TENM2: variants seen among roughly 807,000 people sequenced by gnomAD.
TENM2 encodes the protein teneurin transmembrane protein 2, also known as teneurin-2.
TENM2 carries 52 observed loss-of-function variants against 245.2 expected under a neutral mutation model. That is an observed-to-expected ratio of 0.21 (90% CI 0.17 to 0.27). TENM2 has a LOEUF of 0.27. Among genes scored for constraint, TENM2 ranks in the 10% least tolerant of loss-of-function variants. TENM2 has a pLI of 1.00. For synonymous variants in TENM2, 1,363 were observed against 1,438.9 expected (o/e 0.95, Z 1.19); for missense variants, 3,046 against 3,666.8 (o/e 0.83, Z 4.37).
In TENM2 at chr5:167,509,965, A is replaced by T. The variant is rs145045826; in HGVS notation, c.502+134492A>T. The stretch of plus-strand genomic sequence containing the variant: ...TAAACCTAAACTACAAGTGAGGATA[A>T]CTAAAGAATGATATGTAGCTATCAT... On this transcript the variant is annotated intron_variant, in intron 2 of 28. Transcript: ENST00000518659. Among the ~76,000 whole-genome samples the T allele has an allele frequency of 6.2e-3, 947 of 152,312 alleles. 14 individuals carry two copies. Among genetic ancestry groups the T allele is most frequent in the African/African-American group, 0.022 (906 of 41,558 alleles).
chr5:167,496,295 C>T (rs1474679148), intron 2 of TENM2, among the ~76,000 whole-genome samples: 1 of 151,966 alleles, frequency 6.6e-6, no homozygotes, highest in Non-Finnish European at 1.5e-5. Context: ...AGAAGATTGC[C>T]CTGTCTCTTT....
intron 2 of TENM2, among the ~76,000 whole-genome samples, chr5:167,824,419 G>C (rs528674101): frequency 2.0e-5 from 3 of 152,336 alleles, no homozygotes; most frequent in Admixed American, 2.0e-4. Flanking sequence ...GCAGGGGAGA[G>C]AGCTGGCAAC....
intron 12 of TENM2, among the ~76,000 whole-genome samples, chr5:168,159,690 G>A (rs1757568051): frequency 6.6e-6 from 1 of 152,168 alleles, no homozygotes; most frequent in Non-Finnish European, 1.5e-5. Flanking sequence ...GCAAAGTCCT[G>A]TCCGTTAATT....
chr5:167,916,319 G>T (rs1776933479), intron 3 of TENM2, among the ~76,000 whole-genome samples: 1 of 152,152 alleles, frequency 6.6e-6, no homozygotes, highest in Non-Finnish European at 1.5e-5. Flanking sequence ...TCTCTGGGGG[G>T]TTGGTACCTT....
chr5:167,634,018 T>C (rs1261831547), intron 2 of TENM2, among the ~76,000 whole-genome samples: 3 of 152,196 alleles, frequency 2.0e-5, no homozygotes, highest in Non-Finnish European at 4.4e-5. Context: ...TAACTGTGTG[T>C]GCTTCCTCTT....
At chr5:167,225,187 C>T in the TENM2 span, among the ~76,000 whole-genome samples, 1 of 151,904 alleles carries the variant, frequency 6.6e-6, no homozygotes, top group African/African-American at 2.4e-5. Flanking sequence ...CCTTTTAGGG[C>T]TTATAGCACT....
intron 5 of TENM2, among the ~76,000 whole-genome samples, chr5:168,037,917 A>G (rs1787853018): frequency 6.6e-6 from 1 of 152,228 alleles, no homozygotes; most frequent in Middle Eastern, 3.2e-3. Flanking sequence ...TACCTCTGCC[A>G]TTCTAATGTG....
At chr5:167,196,595 CATCTT>C in the TENM2 span, among the ~76,000 whole-genome samples, 1 of 147,792 alleles carries the variant, frequency 6.8e-6, no homozygotes, top group South Asian at 2.1e-4. Flanking sequence ...CTTTCTTACA[CATCTT>C]AACTGTAAAA....
chr5:168,189,251 A>C (rs927982636), intron 13 of TENM2, among the ~76,000 whole-genome samples: 2 of 152,226 alleles, frequency 1.3e-5, no homozygotes, highest in South Asian at 4.1e-4. Flanking sequence ...ACAGACATTC[A>C]GTTTGTAGCA....
chr5:167,724,026 A>T (rs950731147), intron 2 of TENM2, among the ~76,000 whole-genome samples: 1 of 152,180 alleles, frequency 6.6e-6, no homozygotes, highest in Non-Finnish European at 1.5e-5. Flanking sequence ...TACCTGTTTG[A>T]TGAGAATTAA....
rs765426756 is a variant in TENM2 at position 168,218,452 on chromosome 5, G to A, written c.4561G>A (p.Asp1521Asn). 5.0e-6 allele frequency: 8 copies of A among 1,613,886 alleles called. No individual in the cohort carries two copies. The highest frequency in any genetic ancestry group is 2.2e-5 in the East Asian group (1 of 44,894). ...TTTAGCTGGGGCAGCCTCGGACTGC[G>A]ACTGCAAAAACGATGTCAATTGCAA... Residue 1521 changes from aspartate to asparagine, a missense_variant, in exon 23 of 29, where the codon GAC becomes AAC. Asp to Asn is a conservative substitution (Grantham distance 23). This residue lies in a region of TENM2 where 2,704 missense variants were observed against 3,331.9 expected (regional missense o/e 0.81). Coordinates refer to ENST00000518659, the Ensembl canonical transcript of TENM2. This position sits in a 1 kb window ranked among gnomAD's most constrained non-coding sequence, Gnocchi z 5.2.
At chr5:167,968,388 A>G (rs931391070) in intron 4 of TENM2, among the ~76,000 whole-genome samples, 1 of 152,138 alleles carries the variant, frequency 6.6e-6, no homozygotes, top group African/African-American at 2.4e-5. Flanking sequence ...AATTGCTGTC[A>G]TTTGTACTTA....
At chr5:168,043,641 A>T (rs956450458) in intron 5 of TENM2, among the ~76,000 whole-genome samples, 3 of 152,218 alleles carry the variant, frequency 2.0e-5, no homozygotes, top group African/African-American at 7.2e-5. Flanking sequence ...CTAGCCTCAG[A>T]CAGGCTGCTG....
At chr5:168,150,511 C>T (rs996102396) in intron 12 of TENM2, among the ~76,000 whole-genome samples, 1 of 152,154 alleles carries the variant, frequency 6.6e-6, no homozygotes, top group African/African-American at 2.4e-5. Flanking sequence ...TTTAGAAATC[C>T]CATTTTGTTT....
chr5:166,996,982 G>A, the TENM2 span, among the ~76,000 whole-genome samples: 3 of 152,092 alleles, frequency 2.0e-5, no homozygotes, highest in Admixed American at 6.6e-5. Context: ...TGAATTATTA[G>A]GGCATATATT....
chr5:167,373,444 G>A (rs1760560576), intron 1 of TENM2, among the ~76,000 whole-genome samples: 1 of 152,150 alleles, frequency 6.6e-6, no homozygotes, highest in Admixed American at 6.5e-5. Flanking sequence ...TGGCTTTGGT[G>A]TTATTTATGA....
chr5:167,390,768 A>G (rs1357666188), intron 2 of TENM2, among the ~76,000 whole-genome samples: 5 of 152,196 alleles, frequency 3.3e-5, no homozygotes, highest in Non-Finnish European at 7.3e-5. Flanking sequence ...ATGCAGAACA[A>G]TTAAGAGAGT....
the TENM2 span, among the ~76,000 whole-genome samples, chr5:166,985,282 G>A: frequency 2.6e-5 from 4 of 152,224 alleles, no homozygotes; most frequent in South Asian, 8.3e-4. Context: ...GGCACTACTG[G>A]CATGGATTCA....
chr5:168,040,671 T>C (rs925508286), intron 5 of TENM2, among the ~76,000 whole-genome samples: 1 of 152,222 alleles, frequency 6.6e-6, no homozygotes, highest in African/African-American at 2.4e-5. Flanking sequence ...AAGAATGTTA[T>C]CCCACATAGT....
Sources: allele counts gnomAD v4.1 joint callset (sites outside exome capture counted in the v4.1 genomes callset), GRCh38; gene constraint gnomAD v4.1.1; regional missense constraint gnomAD v4.1.1; non-coding constraint Gnocchi (gnomAD v3.1); transcripts MANE v1.5; gene names NCBI Gene and HGNC (gene_info 2026-07-23, HGNC 2026-07-21).